The following N4BP1 variants were observed in gnomAD, a reference collection of about 807,000 sequenced individuals.
N4BP1 encodes the protein NEDD4 binding protein 1, also known as NEDD4-binding protein 1.
Under a neutral mutation model 70.9 loss-of-function variants are expected in N4BP1, and 21 were observed. That is an observed-to-expected ratio of 0.30 (90% CI 0.21 to 0.43). N4BP1 has a LOEUF of 0.43. Among genes scored for constraint, N4BP1 ranks in the 20% least tolerant of loss-of-function variants. N4BP1 has a pLI of 1.00. For missense variants in N4BP1, 936 were observed against 1,069.4 expected, an observed-to-expected ratio of 0.88 and a Z score of 1.74; for synonymous variants, 387 against 394.6, an observed-to-expected ratio of 0.98 and a Z score of 0.23.
At chr16:48,594,974 A>G (rs1430226698) in intron 1 of N4BP1, among the ~76,000 whole-genome samples, 3 of 152,152 alleles carry the variant, frequency 2.0e-5, no homozygotes, top group Admixed American at 2.0e-4. Context: ...AAACTTTGAC[A>G]GGTGCTCCTG....
intron 1 of N4BP1, among the ~76,000 whole-genome samples, chr16:48,588,297 T>TC (rs1389058538): frequency 6.1e-5 from 9 of 148,690 alleles, no homozygotes; most frequent in Admixed American, 3.4e-4. Context: ...ATGTTTTCTT[T>TC]TTTTTTTTTT....
At chr16:48,588,775 C>T (rs935685650) in intron 1 of N4BP1, among the ~76,000 whole-genome samples, 1 of 152,178 alleles carries the variant, frequency 6.6e-6, no homozygotes, top group Non-Finnish European at 1.5e-5. Flanking sequence ...TAGACAGCCA[C>T]ATGGGGTAGT....
intron 2 of N4BP1, among the ~76,000 whole-genome samples, chr16:48,556,347 T>C (rs1340094217): frequency 3.3e-5 from 5 of 152,192 alleles, no homozygotes; most frequent in African/African-American, 1.2e-4. Context: ...TCAAGTCCTA[T>C]ACCCTGAGCA....
chr16:48,560,600 C>T, intron 2 of N4BP1, 154 bp downstream of exon 2: 1 of 935,804 alleles, frequency 1.1e-6, no homozygotes, highest in Non-Finnish European at 1.6e-6. Flanking sequence ...AAAACCTTTC[C>T]AACCAGTTGG....
At position 48,561,731 on chromosome 16, in the gene N4BP1, A is replaced by G. The variant is rs763068116; in HGVS notation, c.912T>C (p.Val304=). Residue 304 remains valine, a synonymous_variant, in exon 2 of 7, where the codon GTT becomes GTC. Coordinates refer to ENST00000262384, the MANE Select transcript of N4BP1 (RefSeq NM_153029.4). ...CATCGTGTAAAATCTCCCCCTCCTG[A>G]ACATTTTCCAAAGAAAACTGCTTCT... ...HTKKQFSLEN[V]QEGEILHDAK... 4.3e-6 allele frequency: 7 copies of G among 1,612,242 alleles called. No homozygotes were observed. In the South Asian group the frequency reaches 7.7e-5, roughly 18 times the overall value.
At chr16:48,595,634 A>G (rs753179199) in intron 1 of N4BP1, among the ~76,000 whole-genome samples, 7 of 152,200 alleles carry the variant, frequency 4.6e-5, no homozygotes, top group Admixed American at 6.5e-5. Context: ...AGTTATTTAC[A>G]TAAGTGCAAT....
chr16:48,551,281 C>A, intron 4 of N4BP1, 105 bp downstream of exon 4: 2 of 718,744 alleles, frequency 2.8e-6, no homozygotes, highest in South Asian at 1.7e-5. Context: ...ATTAAACCCA[C>A]TGCATCAAGC....
chr16:48,565,004 T>C (rs942497549), intron 1 of N4BP1, among the ~76,000 whole-genome samples: 7 of 152,254 alleles, frequency 4.6e-5, no homozygotes, highest in Admixed American at 1.3e-4. Context: ...TTTCTGTATG[T>C]TAATCATGTA....
intron 1 of N4BP1, among the ~76,000 whole-genome samples, chr16:48,600,971 A>T (rs1418390416): frequency 6.6e-6 from 1 of 152,252 alleles, no homozygotes; most frequent in South Asian, 2.1e-4. Flanking sequence ...AATCATGGCT[A>T]GTGATATATA....
rs185045527 is a variant in N4BP1, at chr16:48,600,629, G to A, written c.198+9146C>T. 801 of 531,928 alleles carry A rather than the reference G, an allele frequency of 1.5e-3. 4 individuals are homozygous for A. Among genetic ancestry groups the A allele is most frequent in the Admixed American group, 5.7e-3 (266 of 46,502 alleles). 33.0% of individuals were successfully genotyped at this position (531,928 alleles called of 1,614,324 possible). Reference sequence around the variant, plus strand: ...AACAGTACAGCAGTTACAAGAGAATGTGGACATGGAAGATGCTTCTTAAAA... The same window carrying A: ...AACAGTACAGCAGTTACAAGAGAATATGGACATGGAAGATGCTTCTTAAAA... On this transcript the variant is annotated intron_variant, in intron 1 of 6. Transcript: ENST00000262384.
At chr16:48,604,085 T>C (rs1243646478) in intron 1 of N4BP1, among the ~76,000 whole-genome samples, 2 of 152,230 alleles carry the variant, frequency 1.3e-5, no homozygotes, top group African/African-American at 4.8e-5. Flanking sequence ...TAACCTTCCT[T>C]GGCCCTTACT....
intron 1 of N4BP1, among the ~76,000 whole-genome samples, chr16:48,568,808 T>C (rs561677521): frequency 2.0e-5 from 3 of 152,364 alleles, no homozygotes; most frequent in Admixed American, 2.0e-4. Flanking sequence ...CTCTGGATGC[T>C]TGCATGATTT....
chr16:48,561,788 C>G lies in N4BP1; in HGVS notation c.855G>C (p.Arg285Ser). 6.2e-7 allele frequency: 1 copy of G among 1,613,276 alleles called. No homozygotes were observed. The highest frequency in any genetic ancestry group is 8.5e-7 in the Non-Finnish European group (1 of 1,179,848). Residue 285 changes from arginine (R) to serine (S), a missense_variant, in exon 2 of 7, where the codon AGG (arginine) becomes AGC (serine). Arg to Ser is a moderately radical substitution (Grantham distance 110). Transcript: ENST00000262384. The stretch of plus-strand genomic sequence containing the variant: ...GCCTTTCTTCAGAATCAGAAAATCT[C>G]CTTTTCTGACAAATTCTCTCATTGG... The part of the protein sequence containing the change: ...ALSNERICQK[R>S]RFSDSEERHT...
intron 1 of N4BP1, among the ~76,000 whole-genome samples, chr16:48,606,450 G>T (rs947990207): frequency 6.6e-6 from 1 of 152,128 alleles, no homozygotes; most frequent in Non-Finnish European, 1.5e-5. Flanking sequence ...GGAGCACCTG[G>T]ACACCTTTTA....
chr16:48,609,660 A>G, intron 1 of N4BP1, 115 bp downstream of exon 1: 1 of 927,384 alleles, frequency 1.1e-6, no homozygotes, highest in Non-Finnish European at 1.4e-6. Flanking sequence ...GGCTCCCGAG[A>G]CTGCGTTCCC....
chr16:48,560,246 G>A (rs1021310187), intron 2 of N4BP1, among the ~76,000 whole-genome samples: 3 of 152,118 alleles, frequency 2.0e-5, no homozygotes, highest in African/African-American at 7.2e-5. Flanking sequence ...TAAGAGCAGA[G>A]GCCCACAGTG....
intron 1 of N4BP1, among the ~76,000 whole-genome samples, chr16:48,594,552 C>T (rs1434541728): frequency 2.6e-5 from 4 of 152,082 alleles, no homozygotes; most frequent in Admixed American, 2.6e-4. Flanking sequence ...GACGGGGTTT[C>T]ACCATGTTGG....
chr16:48,599,970 T>C (rs1255257691), intron 1 of N4BP1, among the ~76,000 whole-genome samples: 1 of 152,254 alleles, frequency 6.6e-6, no homozygotes, highest in Non-Finnish European at 1.5e-5. Context: ...TATAGGTTTC[T>C]ATTATTGCAG....
intron 3 of N4BP1, 58 bp from the exon 4 acceptor site, chr16:48,551,540 C>A: frequency 8.1e-7 from 1 of 1,235,446 alleles, no homozygotes; most frequent in South Asian, 1.4e-5. Flanking sequence ...CCAAATGTAT[C>A]AAGAAATGAA....
Sources: allele counts gnomAD v4.1 joint callset (sites outside exome capture counted in the v4.1 genomes callset), GRCh38; gene constraint gnomAD v4.1.1; transcripts MANE v1.5; gene names NCBI Gene and HGNC (gene_info 2026-07-23, HGNC 2026-07-21).